The following C3orf18 variants were observed in gnomAD, a reference collection of about 807,000 sequenced individuals.
C3orf18 encodes chromosome 3 open reading frame 18.
C3orf18 carries 12 observed loss-of-function variants against 14.1 expected under a neutral mutation model. The ratio of observed to expected loss-of-function variants is 0.85; its 90% confidence interval spans 0.55 to 1.38. C3orf18 has a LOEUF of 1.38. Ranked by LOEUF, C3orf18 falls within the 40% of genes most tolerant of loss-of-function variation. C3orf18 has a pLI of 0.00. For missense variants in C3orf18, 196 were observed against 213.9 expected (o/e 0.92, Z 0.52); for synonymous variants, 82 against 87.9 (o/e 0.93, Z 0.38).
chr3:50,565,754 C>A lies in C3orf18; in HGVS notation c.-55G>T. The A allele has an allele frequency of 7.1e-7, 1 of 1,398,958 alleles. No homozygotes were observed. The highest frequency in any genetic ancestry group is 2.4e-5 in the East Asian group (1 of 41,914). The allele number at this position is 1,398,958 out of a possible 1,614,324, so 86.7% of individuals were successfully genotyped here. On this transcript the variant is annotated 5_prime_UTR_variant, in exon 3 of 6. Coordinates refer to ENST00000357203, the MANE Select transcript of C3orf18 (RefSeq NM_016210.5). This position sits in a 1 kb window ranked among gnomAD's most constrained non-coding sequence, Gnocchi z 4.4. ...GCTGCCTGATGCCAGTCAACCTGCC[C>A]ACTCACTCCTGACTCCGGAGTGCCC... is the stretch of plus-strand genomic sequence containing the variant.
intron 3 of C3orf18, chr3:50,562,338 A>G: frequency 7.9e-6 from 3 of 379,150 alleles, no homozygotes; most frequent in Admixed American, 6.3e-5. Flanking sequence ...CTGGGCTGCC[A>G]ATACTAACTG....
chr3:50,571,810 C>A (rs777737128), upstream of C3orf18: 2 of 1,612,284 alleles, frequency 1.2e-6, no homozygotes, highest in South Asian at 2.2e-5. Flanking sequence ...AGGTGAGCAC[C>A]CATGGATCAG....
intron 1 of C3orf18, 53 bp downstream of exon 1, chr3:50,567,410 G>C (rs912953799): frequency 2.1e-4 from 32 of 152,654 alleles, no homozygotes; most frequent in African/African-American, 7.0e-4. Flanking sequence ...GCCCGCCTCC[G>C]CGACCCTGTG....
chr3:50,561,427 G>A (rs1699961884), intron 4 of C3orf18, among the ~76,000 whole-genome samples: 2 of 152,198 alleles, frequency 1.3e-5, no homozygotes, highest in African/African-American at 4.8e-5. Flanking sequence ...GCAGGGCAAG[G>A]GTGGCTGGGC....
At chr3:50,559,891 A>G (rs1338773112) in intron 5 of C3orf18, among the ~76,000 whole-genome samples, 154 bp from the exon 6 acceptor site, 1 of 152,228 alleles carries the variant, frequency 6.6e-6, no homozygotes, top group Admixed American at 6.5e-5. Flanking sequence ...TCAGCCTACA[A>G]ATATGACTTG....
At position 50,561,710 on chromosome 3, in the gene C3orf18, G is replaced by A. The variant is rs2107269755; in HGVS notation, c.260+12C>T. 1 of 1,613,330 alleles carries A rather than the reference G, an allele frequency of 6.2e-7. No individual in the cohort carries two copies. The highest frequency in any genetic ancestry group is 8.5e-7 in the Non-Finnish European group (1 of 1,179,824). ...AGTTTTGGGTGGGATTTGGGTTTGG[G>A]TGGGGAATTACCTCTTCTTCTTCCT... On this transcript the variant is annotated intron_variant, in intron 4 of 5. Coordinates refer to ENST00000357203, the MANE Select transcript of C3orf18 (RefSeq NM_016210.5).
At chr3:50,573,720 C>T (rs957101357), upstream of C3orf18, among the ~76,000 whole-genome samples, 1 of 152,172 alleles carries the variant, frequency 6.6e-6, no homozygotes, top group Non-Finnish European at 1.5e-5. Flanking sequence ...CTCAAGAGGA[C>T]GTGGCCTGTG....
Position 50,561,719 on chromosome 3 carries a change from T to G in C3orf18, c.260+3A>C. ...TGGGATTTGGGTTTGGGTGGGGAATTACCTCTTCTTCTTCCTGATGTACAA... is the reference window on the plus strand; with the variant it reads ...TGGGATTTGGGTTTGGGTGGGGAATGACCTCTTCTTCTTCCTGATGTACAA... On this transcript the variant is annotated splice_donor_region_variant and intron_variant, in intron 4 of 5. Coordinates refer to ENST00000357203, the MANE Select transcript of C3orf18 (RefSeq NM_016210.5). 1 of 1,613,624 alleles carries G rather than the reference T, an allele frequency of 6.2e-7. No homozygotes were observed. The highest frequency in any genetic ancestry group is 8.5e-7 in the Non-Finnish European group (1 of 1,179,982).
chr3:50,564,876 T>A (rs1700193585), intron 3 of C3orf18, among the ~76,000 whole-genome samples: 1 of 152,218 alleles, frequency 6.6e-6, no homozygotes, highest in Non-Finnish European at 1.5e-5. Context: ...CACAGAACCC[T>A]CTGTCTGCCT....
In C3orf18 at chr3:50,558,488, G is replaced by T; in HGVS notation, c.*1169C>A. On this transcript the variant is annotated 3_prime_UTR_variant, in exon 6 of 6. Coordinates refer to ENST00000357203, the MANE Select transcript of C3orf18 (RefSeq NM_016210.5). Reference sequence around the variant, plus strand: ...TCTCCCCACTCTCTAAACACTGAACGGCTCTTCCCATAGATGGGATGGAGG... The same window carrying T: ...TCTCCCCACTCTCTAAACACTGAACTGCTCTTCCCATAGATGGGATGGAGG... 2.8e-6 allele frequency: 1 copy of T among 361,178 alleles called. No individual in the cohort carries two copies. Among genetic ancestry groups the T allele is most frequent in the Non-Finnish European group, 5.3e-6 (1 of 187,896 alleles). The allele number at this position is 361,178 out of a possible 1,614,324, so 22.4% of individuals were successfully genotyped here.
At chr3:50,561,860 C>T (rs372267341) in intron 3 of C3orf18, 113 bp from the exon 4 acceptor site, 10 of 1,063,176 alleles carry the variant, frequency 9.4e-6, no homozygotes, top group South Asian at 3.9e-5. Flanking sequence ...CGTGGGTCCC[C>T]GTCCTAATGA....
At chr3:50,564,569 G>GTCCCT (rs2107291389) in intron 3 of C3orf18, among the ~76,000 whole-genome samples, 1 of 152,202 alleles carries the variant, frequency 6.6e-6, no homozygotes, top group Admixed American at 6.5e-5. Flanking sequence ...GAGTCCCCAA[G>GTCCCT]TCAGTCCCTG....
upstream of C3orf18, chr3:50,572,090 G>C (rs2107391829): frequency 6.2e-7 from 1 of 1,611,848 alleles, no homozygotes; most frequent in Admixed American, 1.7e-5. Context: ...TGTCCCTGAT[G>C]ACCACCCAGC....
upstream of C3orf18, chr3:50,570,970 G>A (rs1700888363): frequency 1.7e-6 from 1 of 601,006 alleles, no homozygotes; most frequent in Non-Finnish European, 2.8e-6. Context: ...AGCCATTTTG[G>A]GGCACCAGAG....
chr3:50,559,076 G>A lies in C3orf18; in HGVS notation c.*581C>T, dbSNP rs1290631637. Reference sequence around the variant, plus strand: ...TGGGAGACCTCCTGGACCCTCCGTAGTATGGATGGACCCTGGGTGTGAATT... The same window carrying A: ...TGGGAGACCTCCTGGACCCTCCGTAATATGGATGGACCCTGGGTGTGAATT... On this transcript the variant is annotated 3_prime_UTR_variant, in exon 6 of 6. Transcript: ENST00000357203. 1.6e-6 allele frequency: 2 copies of A among 1,289,840 alleles called. No individual in the cohort carries two copies. Among genetic ancestry groups the A allele is most frequent in the East Asian group, 5.5e-5 (1 of 18,024 alleles). The allele number at this position is 1,289,840 out of a possible 1,614,324, so 79.9% of individuals were successfully genotyped here.
chr3:50,564,408 T>C (rs1213822825), intron 3 of C3orf18, among the ~76,000 whole-genome samples: 2 of 152,080 alleles, frequency 1.3e-5, no homozygotes, highest in Non-Finnish European at 1.5e-5. Context: ...CCTGCAGCCC[T>C]CTCCCCAGCC....
At chr3:50,561,444 G>A (rs1699962682) in intron 4 of C3orf18, among the ~76,000 whole-genome samples, 1 of 152,182 alleles carries the variant, frequency 6.6e-6, no homozygotes, top group African/African-American at 2.4e-5. Context: ...GGGCAGTTGG[G>A]TGGGAGTAAT....
chr3:50,561,647 T>C (rs1699974690), intron 4 of C3orf18, 75 bp downstream of exon 4: 1 of 1,470,074 alleles, frequency 6.8e-7, no homozygotes, highest in African/African-American at 1.4e-5. Context: ...TTTCACCCAC[T>C]TCCTTCGGAG....
chr3:50,563,906 AG>A (rs1700135857), intron 3 of C3orf18, among the ~76,000 whole-genome samples: 1 of 152,234 alleles, frequency 6.6e-6, no homozygotes, highest in Admixed American at 6.5e-5. Flanking sequence ...TCTGCCCTTA[AG>A]GGTGCCTCCA....
Sources: gnomAD v4.1 joint callset for allele counts (sites outside exome capture counted in the v4.1 genomes callset) on GRCh38, gnomAD v4.1.1 for gene constraint, Gnocchi (gnomAD v3.1) non-coding constraint, MANE v1.5 for transcripts, NCBI Gene and HGNC (gene_info 2026-07-23, HGNC 2026-07-21) for gene names.